The following ZFAT variants were observed in gnomAD, a reference collection of about 807,000 sequenced individuals.
The protein encoded by ZFAT is zinc finger protein ZFAT.
Under a neutral mutation model 117.7 loss-of-function variants are expected in ZFAT, and 64 were observed. That is an observed-to-expected ratio of 0.54 (90% CI 0.44 to 0.67). The LOEUF (loss-of-function observed/expected upper bound fraction) is 0.67. Ranked by LOEUF, ZFAT falls within the 30% of genes least tolerant of loss-of-function variation. The pLI, the probability that ZFAT is intolerant of heterozygous loss-of-function variation, is 0.00. For missense variants in ZFAT, 1,433 were observed against 1,584.5 expected, an observed-to-expected ratio of 0.90 and a Z score of 1.62; for synonymous variants, 679 against 615.0, an observed-to-expected ratio of 1.10 and a Z score of -1.54.
intron 1 of ZFAT, among the ~76,000 whole-genome samples, chr8:134,670,142 C>A (rs1212845505): frequency 6.6e-6 from 1 of 152,164 alleles, no homozygotes; most frequent in Non-Finnish European, 1.5e-5. Flanking sequence ...GACTCCCACA[C>A]AATAATAATG....
chr8:134,664,618 C>T (rs1832118273), intron 1 of ZFAT, among the ~76,000 whole-genome samples: 1 of 152,238 alleles, frequency 6.6e-6, no homozygotes, highest in Non-Finnish European at 1.5e-5. Flanking sequence ...AGCGTATAAA[C>T]GGCAAAATGC....
intron 2 of ZFAT, among the ~76,000 whole-genome samples, chr8:134,656,100 C>A (rs1035700143): frequency 6.6e-6 from 1 of 152,136 alleles, no homozygotes; most frequent in Admixed American, 6.5e-5. Flanking sequence ...GTGGGTGTCA[C>A]AAAGCTTCTG....
rs1242159141 is a variant in ZFAT at position 134,556,030 on chromosome 8, GAGAA to G, written c.2976+9299_2976+9302del. ...AAGGTGGGAGGGAAGGAGGGAGGGA[GAGAA>G]GGAAGGAAGGAAGGAAGGAAGGAAG... On this transcript the variant is annotated intron_variant, in intron 11 of 15. Coordinates refer to ENST00000377838, the MANE Select transcript of ZFAT (RefSeq NM_020863.4). 6.4e-5 allele frequency among the ~76,000 whole-genome samples: 4 copies of G among 62,662 alleles called. No homozygotes were observed. The East Asian group carries it at 1.5e-3, about 24-fold the overall frequency. The allele number at this position is 62,662 out of a possible 152,430, so 41.1% of individuals were successfully genotyped here. A position where few individuals can be genotyped will look rare whatever the true frequency, so the allele number is the denominator to read the frequency against.
the ZFAT span, among the ~76,000 whole-genome samples, chr8:134,826,098 G>A: frequency 6.6e-6 from 1 of 151,690 alleles, no homozygotes; most frequent in Non-Finnish European, 1.5e-5. Flanking sequence ...ATTTCCATAT[G>A]ATATTTACTC....
chr8:134,538,584 G>T (rs1822013211), intron 11 of ZFAT, among the ~76,000 whole-genome samples: 1 of 152,114 alleles, frequency 6.6e-6, no homozygotes, highest in African/African-American at 2.4e-5. Flanking sequence ...GATCACTTAG[G>T]TCAGGAGTTC....
the ZFAT span, among the ~76,000 whole-genome samples, chr8:134,732,667 C>G: frequency 6.6e-6 from 1 of 152,150 alleles, no homozygotes; most frequent in Non-Finnish European, 1.5e-5. Flanking sequence ...AAATTAGGAG[C>G]GTTTCAGAAA....
the ZFAT span, among the ~76,000 whole-genome samples, chr8:134,752,089 G>A: frequency 1.4e-4 from 22 of 152,058 alleles, 3 homozygotes; most frequent in Admixed American, 1.2e-3. Context: ...TAAGATCTCC[G>A]TTAACTTTGT....
intron 11 of ZFAT, among the ~76,000 whole-genome samples, chr8:134,564,689 C>G (rs897629227): frequency 1.2e-4 from 18 of 152,178 alleles, no homozygotes; most frequent in African/African-American, 4.3e-4. Context: ...GTGCCAGCAA[C>G]AGCAGTAATT....
At chr8:134,500,012 G>C (rs1818852117) in intron 15 of ZFAT, among the ~76,000 whole-genome samples, 1 of 152,186 alleles carries the variant, frequency 6.6e-6, no homozygotes, top group Non-Finnish European at 1.5e-5. Flanking sequence ...TGAAAAACAA[G>C]GGCCAGCCTG....
chr8:134,620,296 C>T (rs535358372), intron 3 of ZFAT, among the ~76,000 whole-genome samples: 16 of 152,312 alleles, frequency 1.1e-4, no homozygotes, highest in Admixed American at 3.3e-4. Flanking sequence ...CTCTGTGCAT[C>T]CTCAGCCAAG....
At chr8:134,755,817 C>CAAAA in the ZFAT span, among the ~76,000 whole-genome samples, 10 of 89,996 alleles carry the variant, frequency 1.1e-4, no homozygotes, top group African/African-American at 2.1e-4. Context: ...GACTCCATCT[C>CAAAA]AAAAAAAAAA....
At chr8:134,624,689 C>T (rs1012830042) in intron 3 of ZFAT, among the ~76,000 whole-genome samples, 2 of 152,088 alleles carry the variant, frequency 1.3e-5, no homozygotes, top group Non-Finnish European at 2.9e-5. Flanking sequence ...CTTTGTTTTC[C>T]AGCCCTACAC....
intron 11 of ZFAT, among the ~76,000 whole-genome samples, chr8:134,553,367 G>A (rs1823329139): frequency 6.6e-6 from 1 of 152,178 alleles, no homozygotes; most frequent in South Asian, 2.1e-4. Flanking sequence ...GCCGGGCGCG[G>A]TGGCAGGCAC....
chr8:134,814,303 T>C, the ZFAT span, among the ~76,000 whole-genome samples: 4 of 152,178 alleles, frequency 2.6e-5, no homozygotes, highest in African/African-American at 9.7e-5. Flanking sequence ...GATAGCTGTT[T>C]CTCAATTTCC....
the ZFAT span, chr8:134,800,613 G>C: frequency 2.0e-6 from 1 of 507,140 alleles, no homozygotes; most frequent in Non-Finnish European, 4.1e-6. Flanking sequence ...TTGGTTTAAA[G>C]CAGGACTTAA....
chr8:134,762,522 AT>A, the ZFAT span, among the ~76,000 whole-genome samples: 11 of 151,734 alleles, frequency 7.2e-5, no homozygotes, highest in Non-Finnish European at 1.2e-4. Context: ...TCATCTCCTG[AT>A]TTTCCTGATT....
chr8:134,758,723 C>T, the ZFAT span, among the ~76,000 whole-genome samples: 1 of 152,212 alleles, frequency 6.6e-6, no homozygotes, highest in Non-Finnish European at 1.5e-5. Context: ...TCTCATTGGC[C>T]AGGGTTGGGT....
At chr8:134,543,812 C>T (rs1822469556) in intron 11 of ZFAT, among the ~76,000 whole-genome samples, 1 of 152,184 alleles carries the variant, frequency 6.6e-6, no homozygotes, top group Non-Finnish European at 1.5e-5. Flanking sequence ...AGCAATGCAT[C>T]AAGCCTTAGA....
At chr8:134,628,395 G>T (rs1272524074) in intron 3 of ZFAT, among the ~76,000 whole-genome samples, 1 of 152,138 alleles carries the variant, frequency 6.6e-6, no homozygotes, top group Non-Finnish European at 1.5e-5. Flanking sequence ...GCAGCGGCTA[G>T]GTCCTAAGTA....
Sources: gnomAD v4.1 joint callset for allele counts (sites outside exome capture counted in the v4.1 genomes callset) on GRCh38, gnomAD v4.1.1 for gene constraint, MANE v1.5 for transcripts, NCBI Gene and HGNC (gene_info 2026-07-23, HGNC 2026-07-21) for gene names.